Variants in ISY1 observed in about 807,000 individuals in gnomAD.
The protein encoded by ISY1 is ISY1 spliceosome associated protein, also known as pre-mRNA-splicing factor ISY1 homolog.
In ISY1, 12 loss-of-function variants were observed where a neutral mutation model predicts 54.4. That is an observed-to-expected ratio of 0.22 (90% CI 0.14 to 0.36). The LOEUF (loss-of-function observed/expected upper bound fraction) is 0.36. Ranked by LOEUF, ISY1 falls within the 10% of genes least tolerant of loss-of-function variation. The probability of loss-of-function intolerance (pLI) is 1.00; values close to 1 mark genes in which losing one functional copy is unlikely to be tolerated. For missense variants in ISY1, 282 were observed against 342.2 expected (o/e 0.82, Z 1.39); for synonymous variants, 96 against 117.9 (o/e 0.81, Z 1.20).
intron 7 of ISY1, among the ~76,000 whole-genome samples, chr3:129,135,428 T>C (rs773990544): frequency 6.6e-6 from 1 of 152,088 alleles, no homozygotes; most frequent in Non-Finnish European, 1.5e-5. Context: ...TTAAAATCAG[T>C]ACTTGGACCC....
intron 9 of ISY1, among the ~76,000 whole-genome samples, chr3:129,132,008 TTTGGTAGAAACAGGGCCTCA>T (rs1936250129): frequency 6.6e-6 from 1 of 152,018 alleles, no homozygotes; most frequent in African/African-American, 2.4e-5. Flanking sequence ...TGTTTTTATT[TTTGGTAGAAACAGGGCCTCA>T]TTGTGTTGCC....
chr3:129,130,521 G>A (rs757222263), intron 10 of ISY1, 29 bp downstream of exon 10: 52 of 1,610,766 alleles, frequency 3.2e-5, no homozygotes, highest in Admixed American at 1.2e-4. Flanking sequence ...AGCCCCCGGC[G>A]CCCAGGCAGC....
At chr3:129,138,051 C>A (rs1409712906) in intron 7 of ISY1, among the ~76,000 whole-genome samples, 4 of 143,514 alleles carry the variant, frequency 2.8e-5, no homozygotes, top group Admixed American at 7.1e-5. Context: ...CCAAGGCGGG[C>A]GGATCACAAG....
At chr3:129,145,712 T>C (rs748405428) in intron 6 of ISY1, 49 bp downstream of exon 6, 27 of 1,579,158 alleles carry the variant, frequency 1.7e-5, no homozygotes, top group Admixed American at 6.9e-5. Context: ...GGAACTGCTG[T>C]GGGTGGAAAA....
At chr3:129,158,688 A>G in intron 2 of ISY1, 129 bp from the exon 3 acceptor site, 2 of 1,274,560 alleles carry the variant, frequency 1.6e-6, no homozygotes, top group Non-Finnish European at 2.2e-6. Flanking sequence ...CAAATATTGT[A>G]ATTAAGAAAC....
intron 2 of ISY1, 53 bp from the exon 3 acceptor site, chr3:129,158,612 T>G (rs1262236471): frequency 3.7e-6 from 6 of 1,611,468 alleles, no homozygotes; most frequent in Non-Finnish European, 5.1e-6. Context: ...TCATACAGAC[T>G]TCTCATTACC....
intron 5 of ISY1, among the ~76,000 whole-genome samples, chr3:129,151,548 GAACCC>G (rs1267166836): frequency 1.3e-5 from 2 of 151,962 alleles, no homozygotes; most frequent in Non-Finnish European, 2.9e-5. Context: ...AGAATCGCTT[GAACCC>G]AGGGGACAGA....
At chr3:129,155,902 G>A (rs1937120578) in intron 5 of ISY1, among the ~76,000 whole-genome samples, 1 of 151,898 alleles carries the variant, frequency 6.6e-6, no homozygotes, top group Non-Finnish European at 1.5e-5. Context: ...TGTATTTTCA[G>A]TAGAGGTGGG....
intron 6 of ISY1, among the ~76,000 whole-genome samples, chr3:129,141,901 ATATC>A (rs1267965130): frequency 6.6e-6 from 1 of 152,088 alleles, no homozygotes; most frequent in African/African-American, 2.4e-5. Flanking sequence ...AGATACAACT[ATATC>A]TATTAAAACT....
At chr3:129,134,684 A>G in intron 8 of ISY1, 148 bp downstream of exon 8, 1 of 1,155,842 alleles carries the variant, frequency 8.7e-7, no homozygotes, top group Non-Finnish European at 1.2e-6. Context: ...CACAGGGGTC[A>G]GGGAATTAGC....
chr3:129,156,338 G>A (rs1018116651), intron 5 of ISY1, among the ~76,000 whole-genome samples: 5 of 148,456 alleles, frequency 3.4e-5, no homozygotes, highest in Admixed American at 6.9e-5. Context: ...GGCTGAGCTT[G>A]CAGTGAGCCG....
At chr3:129,148,532 T>C (rs1275716980) in intron 5 of ISY1, among the ~76,000 whole-genome samples, 2 of 152,238 alleles carry the variant, frequency 1.3e-5, no homozygotes, top group African/African-American at 2.4e-5. Context: ...ATGACTATTA[T>C]GTTAAACACA....
chr3:129,128,109 A>C lies in ISY1; in HGVS notation c.*1972T>G, dbSNP rs1373550162. 1 of 152,502 alleles carries C rather than the reference A, an allele frequency of 6.6e-6. No individual in the cohort carries two copies. Among genetic ancestry groups the C allele is most frequent in the East Asian group, 1.9e-4 (1 of 5,168 alleles). 9.4% of individuals were successfully genotyped at this position (152,502 alleles called of 1,614,324 possible). ...TGAGACAGCACAGGTCCACTCCTTG[A>C]CTTCAAAGTATGGAAGGTGAGGCTG... On this transcript the variant is annotated 3_prime_UTR_variant, in exon 11 of 11. Transcript: ENST00000393295.
At chr3:129,147,831 C>T (rs1243550042) in intron 5 of ISY1, among the ~76,000 whole-genome samples, 2 of 152,070 alleles carry the variant, frequency 1.3e-5, no homozygotes, top group Non-Finnish European at 2.9e-5. Context: ...TTATTCTGTT[C>T]CTATAATTTT....
At chr3:129,139,778 G>C (rs911166116) in intron 7 of ISY1, among the ~76,000 whole-genome samples, 3 of 152,090 alleles carry the variant, frequency 2.0e-5, no homozygotes, top group Non-Finnish European at 2.9e-5. Flanking sequence ...GAGTAGCTGG[G>C]AGTACAGGCA....
chr3:129,137,089 G>A (rs1380862034), intron 7 of ISY1: 6 of 161,348 alleles, frequency 3.7e-5, no homozygotes, highest in Admixed American at 1.3e-4. Context: ...TAGCAGAGAC[G>A]GGGTTTCACC....
At position 129,160,966 on chromosome 3, in the gene ISY1, T is replaced by TA. The variant is rs1937295809; in HGVS notation, c.3+6dup. ...CACTCGCTCCCTCACCCGCCCACCC[T>TA]ACTCACCATGGTGTCGCTAAGGGCG... is the stretch of plus-strand genomic sequence containing the variant. On this transcript the variant is annotated splice_region_variant and intron_variant, in intron 1 of 10. Coordinates refer to ENST00000393295, the MANE Select transcript of ISY1 (RefSeq NM_020701.4). 2.7e-6 allele frequency: 1 copy of TA among 370,166 alleles called. No individual in the cohort carries two copies. The highest frequency in any genetic ancestry group is 5.0e-5 in the Admixed American group (1 of 20,086). 22.9% of individuals were successfully genotyped at this position (370,166 alleles called of 1,614,324 possible).
intron 6 of ISY1, among the ~76,000 whole-genome samples, chr3:129,143,750 G>A (rs1936693953): frequency 6.6e-6 from 1 of 151,446 alleles, no homozygotes; most frequent in African/African-American, 2.4e-5. Context: ...ATTTTGAAAA[G>A]AAAAACAAAA....
At position 129,130,078 on chromosome 3, in the gene ISY1, G is replaced by T; in HGVS notation, c.*3C>A. The T allele has an allele frequency of 6.3e-7, 1 of 1,590,822 alleles. No individual in the cohort carries two copies. The highest frequency in any genetic ancestry group is 8.5e-7 in the Non-Finnish European group (1 of 1,170,764). On this transcript the variant is annotated 3_prime_UTR_variant, in exon 11 of 11. Transcript: ENST00000393295. ...GAACTCCAAGGAGAGCCCCAGCTGG[G>T]TCCTAATACCCCAGGAGCCTTCTGG...
Sources: allele counts gnomAD v4.1 joint callset (sites outside exome capture counted in the v4.1 genomes callset), GRCh38; gene constraint gnomAD v4.1.1; transcripts MANE v1.5; gene names NCBI Gene and HGNC (gene_info 2026-07-23, HGNC 2026-07-21).